NRCAM: variants seen among roughly 807,000 people sequenced by gnomAD.
NRCAM encodes the protein neuronal cell adhesion molecule.
In NRCAM, 83 loss-of-function variants were observed where a neutral mutation model predicts 156.5. The observed-to-expected ratio is 0.53, with a 90% confidence interval of 0.44 to 0.64. The LOEUF (loss-of-function observed/expected upper bound fraction) is 0.64. Ranked by LOEUF, NRCAM falls within the 30% of genes least tolerant of loss-of-function variation. The pLI is 0.00. For missense variants in NRCAM, 1,417 were observed against 1,597.3 expected (o/e 0.89, Z 1.92); for synonymous variants, 538 against 563.9 (o/e 0.95, Z 0.65).
chr7:108,406,950 T>C (rs1187440787), intron 1 of NRCAM, among the ~76,000 whole-genome samples: 1 of 152,220 alleles, frequency 6.6e-6, no homozygotes, highest in East Asian at 1.9e-4. Flanking sequence ...TAGGGTTTCA[T>C]TTTTAGGTGG....
chr7:108,276,063 C>T (rs534934210), intron 3 of NRCAM, among the ~76,000 whole-genome samples: 1 of 152,128 alleles, frequency 6.6e-6, no homozygotes, highest in African/African-American at 2.4e-5. Context: ...TTTCTTAATC[C>T]CGAGTTCTAA....
chr7:108,254,940 CAA>C (rs2096554734), intron 3 of NRCAM, among the ~76,000 whole-genome samples: 1 of 152,094 alleles, frequency 6.6e-6, no homozygotes, highest in South Asian at 2.1e-4. Flanking sequence ...TATAACCACA[CAA>C]AGACTTGTAC....
chr7:108,197,821 TCTTATCCATCC>T, intron 14 of NRCAM, 124 bp downstream of exon 14: 1 of 563,408 alleles, frequency 1.8e-6, no homozygotes, highest in South Asian at 4.1e-5. Flanking sequence ...AAGGTTTATA[TCTTATCCATCC>T]CTTATAGCTC....
chr7:108,363,436 C>T (rs1034517054), intron 2 of NRCAM, among the ~76,000 whole-genome samples: 2 of 152,128 alleles, frequency 1.3e-5, no homozygotes, highest in African/African-American at 4.8e-5. Flanking sequence ...AGGCGTGTGC[C>T]ACCATGCCCA....
At chr7:108,268,637 G>GC (rs2097208726) in intron 3 of NRCAM, among the ~76,000 whole-genome samples, 2 of 48,624 alleles carry the variant, frequency 4.1e-5, no homozygotes, top group South Asian at 8.6e-4. Flanking sequence ...GGGGGGGGTT[G>GC]GGGGGGGCGG....
chr7:108,191,211 T>C (rs376037320), intron 19 of NRCAM, 43 bp downstream of exon 19: 3 of 1,529,584 alleles, frequency 2.0e-6, no homozygotes, highest in Non-Finnish European at 2.7e-6. Context: ...AAATGTGAAA[T>C]TGTTTGACAG....
rs2099581019 is a variant in NRCAM at position 108,364,717 on chromosome 7, T to C, written c.-174+34719A>G. 1.4e-5 allele frequency among the ~76,000 whole-genome samples: 2 copies of C among 145,794 alleles called. 1 individual carries two copies. The highest frequency in any genetic ancestry group is 3.0e-5 in the Non-Finnish European group (2 of 66,550). ...ACAACATGGATGAACCTTAAAAACA[T>C]TACGCTAAGTCAAAAAAAAAAAAGA... On this transcript the variant is annotated intron_variant, in intron 2 of 32. Coordinates refer to ENST00000379028, the MANE Select transcript of NRCAM (RefSeq NM_001037132.4).
intron 3 of NRCAM, among the ~76,000 whole-genome samples, chr7:108,303,396 C>T (rs373368794): frequency 6.6e-6 from 1 of 152,116 alleles, no homozygotes; most frequent in Admixed American, 6.6e-5. Flanking sequence ...CTCTTCAGCC[C>T]CTCTGCTAGG....
intron 3 of NRCAM, among the ~76,000 whole-genome samples, chr7:108,265,769 A>C (rs1563018983): frequency 2.6e-5 from 4 of 152,364 alleles, no homozygotes; most frequent in South Asian, 4.1e-4. Flanking sequence ...CAGAATTCAC[A>C]AAAAACTGTG....
intron 3 of NRCAM, among the ~76,000 whole-genome samples, chr7:108,270,640 T>TG: frequency 6.6e-6 from 1 of 152,266 alleles, no homozygotes; most frequent in Admixed American, 6.5e-5. Context: ...ACAATCCAAG[T>TG]GTCCATCAAA....
intron 11 of NRCAM, among the ~76,000 whole-genome samples, chr7:108,212,205 C>T (rs546047906): frequency 1.3e-5 from 2 of 152,330 alleles, no homozygotes; most frequent in African/African-American, 4.8e-5. Flanking sequence ...GAGAGTACTA[C>T]ATCAAGGGAA....
intron 3 of NRCAM, among the ~76,000 whole-genome samples, chr7:108,303,673 G>C (rs1212213781): frequency 2.7e-5 from 4 of 150,402 alleles, no homozygotes; most frequent in Non-Finnish European, 5.9e-5. Context: ...AAGGCACTTG[G>C]AGTGTATCTA....
intron 20 of NRCAM, 75 bp downstream of exon 20, chr7:108,189,570 T>C (rs765443675): frequency 4.1e-6 from 3 of 726,714 alleles, no homozygotes; most frequent in Non-Finnish European, 7.5e-6. Flanking sequence ...TGTGAGGAAA[T>C]TCAGCTGACT....
intron 1 of NRCAM, among the ~76,000 whole-genome samples, chr7:108,412,445 ATATATT>A (rs1163762660): frequency 1.3e-5 from 2 of 152,136 alleles, no homozygotes; most frequent in East Asian, 3.8e-4. Context: ...ACAAAATTGT[ATATATT>A]TATAATGTAC....
At chr7:108,197,227 C>A (rs1229876001) in intron 14 of NRCAM, among the ~76,000 whole-genome samples, 2 of 152,116 alleles carry the variant, frequency 1.3e-5, no homozygotes, top group African/African-American at 4.8e-5. Context: ...CAACATCCAC[C>A]AATATCTTAA....
At chr7:108,423,771 G>C (rs1241223777) in intron 1 of NRCAM, among the ~76,000 whole-genome samples, 1 of 152,146 alleles carries the variant, frequency 6.6e-6, no homozygotes, top group Non-Finnish European at 1.5e-5. Context: ...CAAGAACCTG[G>C]GTGATAACAC....
chr7:108,213,824 G>T (rs539929549), intron 11 of NRCAM, among the ~76,000 whole-genome samples: 1 of 152,048 alleles, frequency 6.6e-6, no homozygotes, highest in African/African-American at 2.4e-5. Context: ...GAATTTTGTC[G>T]AAGGCCTTTT....
intron 26 of NRCAM, among the ~76,000 whole-genome samples, chr7:108,177,622 CAAATATATATATATAT>C (rs1264263765): frequency 1.3e-5 from 1 of 79,956 alleles, no homozygotes. Context: ...GACTCCATCT[CAAATATATATATATAT>C]ATATATATAT....
chr7:108,361,066 A>G (rs1278915939), intron 2 of NRCAM, among the ~76,000 whole-genome samples: 1 of 152,212 alleles, frequency 6.6e-6, no homozygotes, highest in Non-Finnish European at 1.5e-5. Flanking sequence ...ATATTTGTAT[A>G]TGGGGCAAAA....
Sources: gnomAD v4.1 joint callset for allele counts (sites outside exome capture counted in the v4.1 genomes callset) on GRCh38, gnomAD v4.1.1 for gene constraint, MANE v1.5 for transcripts, NCBI Gene and HGNC (gene_info 2026-07-23, HGNC 2026-07-21) for gene names.